The following KCTD1 variants were observed in gnomAD, a reference collection of about 807,000 sequenced individuals.
KCTD1 encodes the protein BTB/POZ domain-containing protein KCTD1.
Under a neutral mutation model 66.0 loss-of-function variants are expected in KCTD1, and 24 were observed. The ratio of observed to expected loss-of-function variants is 0.36; its 90% CI spans 0.26 to 0.51. The LOEUF is 0.51. Ranked by LOEUF, KCTD1 falls within the 20% of genes least tolerant of loss-of-function variation. The pLI is 0.95. For synonymous variants in KCTD1, 511 were observed against 517.2 expected (o/e 0.99, Z 0.16); for missense variants, 943 against 1,205.2 (o/e 0.78, Z 3.22).
chr18:26,459,781 C>T lies in KCTD1; in HGVS notation c.2278G>A (p.Gly760Arg), dbSNP rs775623066. 12 of 1,614,174 alleles carry T rather than the reference C, an allele frequency of 7.4e-6. No individual in the cohort carries two copies. The highest frequency in any genetic ancestry group is 1.7e-5 in the Admixed American group (1 of 60,016). ...CLVVRVAPDL[G>R]ERITLSGDKS... Reference sequence around the variant, plus strand: ...TCACCGCTTAGCGTGATCCTTTCTCCGAGGTCTGGGGCCACACGCACGACG... The same window carrying T: ...TCACCGCTTAGCGTGATCCTTTCTCTGAGGTCTGGGGCCACACGCACGACG... Residue 760 changes from glycine (G) to arginine (R), a missense_variant, in exon 4 of 5, where the codon GGA becomes AGA. This residue lies in a region of KCTD1 where 162 missense variants were observed against 232.4 expected (regional missense o/e 0.70). Transcript: ENST00000580059.
chr18:26,509,205 T>C (rs1169268073), intron 1 of KCTD1, among the ~76,000 whole-genome samples: 2 of 151,130 alleles, frequency 1.3e-5, no homozygotes, highest in African/African-American at 4.9e-5. Context: ...TGATGAGTAC[T>C]GTATGCATAA....
At chr18:26,647,469 G>A (rs575857838) in intron 1 of KCTD1, among the ~76,000 whole-genome samples, 15 of 136,106 alleles carry the variant, frequency 1.1e-4, no homozygotes, top group East Asian at 6.7e-4. Context: ...GCGGTGAGCC[G>A]AGATCATGCC....
chr18:26,477,372 G>T (rs1981405043), intron 2 of KCTD1, among the ~76,000 whole-genome samples: 1 of 152,296 alleles, frequency 6.6e-6, no homozygotes, highest in South Asian at 2.1e-4. Context: ...ATTTTGGAAT[G>T]AACATTTGTA....
intron 3 of KCTD1, among the ~76,000 whole-genome samples, chr18:26,475,509 T>C (rs1981296434): frequency 6.6e-6 from 1 of 152,236 alleles, no homozygotes; most frequent in South Asian, 2.1e-4. Context: ...ATTTTTGTTG[T>C]ATATTTTTCT....
In KCTD1 at chr18:26,510,881, C is replaced by T. The variant is rs140863583; in HGVS notation, c.1810-9631G>A. Among the ~76,000 whole-genome samples the T allele has an allele frequency of 4.3e-3, 649 of 152,120 alleles. 8 individuals carry two copies. Among genetic ancestry groups the T allele is most frequent in the South Asian group, 0.011 (54 of 4,818 alleles). ...CAGAGCTGCTTCAGTAATAATAGTG[C>T]TATAGGGAAAGGTCATTTTTGCAAA... is the stretch of plus-strand genomic sequence containing the variant. On this transcript the variant is annotated intron_variant, in intron 1 of 4. Coordinates refer to ENST00000580059, the MANE Select transcript of KCTD1 (RefSeq NM_001142730.3).
At chr18:26,629,256 G>A (rs1036775773), upstream of KCTD1, 8 of 974,516 alleles carry the variant, frequency 8.2e-6, no homozygotes, top group East Asian at 1.1e-4. Flanking sequence ...GGAGAAAAGC[G>A]TAAAATTGGG....
rs116863692 is a variant in KCTD1 at position 26,508,942 on chromosome 18, C to T, written c.1810-7692G>A. Among the ~76,000 whole-genome samples, 162 of 152,258 alleles carry T rather than the reference C, an allele frequency of 1.1e-3. 3 individuals carry two copies. In the East Asian group the frequency reaches 0.028, roughly 26 times the overall value. On this transcript the variant is annotated intron_variant, in intron 1 of 4. Transcript: ENST00000580059. ...AATAAAGGTTCTAATAAGAAAACATCACTTTACTGACCACAGCTACTTAAT... is the reference window on the plus strand; with the variant it reads ...AATAAAGGTTCTAATAAGAAAACATTACTTTACTGACCACAGCTACTTAAT...
intron 2 of KCTD1, among the ~76,000 whole-genome samples, chr18:26,494,434 G>A (rs1375972734): frequency 6.6e-6 from 1 of 152,122 alleles, no homozygotes; most frequent in Non-Finnish European, 1.5e-5. Flanking sequence ...GCACTGTATG[G>A]CTATCTTTCC....
chr18:26,460,054 C>T, intron 3 of KCTD1, 129 bp from the exon 4 acceptor site: 1 of 686,324 alleles, frequency 1.5e-6, no homozygotes. Flanking sequence ...GCGTTTTTCA[C>T]TTACGACATG....
At chr18:26,636,868 A>G (rs1373027964) in intron 1 of KCTD1, among the ~76,000 whole-genome samples, 2 of 152,226 alleles carry the variant, frequency 1.3e-5, no homozygotes, top group Admixed American at 6.5e-5. Context: ...ATTCCAACCT[A>G]GCCGGCAGTT....
At chr18:26,617,991 C>T (rs1048608346) in intron 1 of KCTD1, among the ~76,000 whole-genome samples, 3 of 151,104 alleles carry the variant, frequency 2.0e-5, no homozygotes, top group Non-Finnish European at 2.9e-5. Context: ...TACATCACAG[C>T]ACAAATAATT....
At position 26,536,785 on chromosome 18, in the gene KCTD1, T is replaced by A. The variant is rs186381478; in HGVS notation, c.1809+9943A>T. On this transcript the variant is annotated intron_variant, in intron 1 of 4. Coordinates refer to ENST00000580059, the MANE Select transcript of KCTD1 (RefSeq NM_001142730.3). ...CAGAAATGAATCTGCTTTTCAGTTTTTCTGAATAGCATTCTCCTTCACCTT... is the reference window on the plus strand; with the variant it reads ...CAGAAATGAATCTGCTTTTCAGTTTATCTGAATAGCATTCTCCTTCACCTT... Among the ~76,000 whole-genome samples the A allele has an allele frequency of 2.8e-4, 42 of 152,318 alleles. 1 individual carries two copies. Among genetic ancestry groups the A allele is most frequent in the Non-Finnish European group, 4.6e-4 (31 of 68,032 alleles).
intron 2 of KCTD1, among the ~76,000 whole-genome samples, chr18:26,484,541 CT>C (rs1981817234): frequency 6.6e-6 from 1 of 152,164 alleles, no homozygotes; most frequent in African/African-American, 2.4e-5. Context: ...TAATCCTCCC[CT>C]GACTTCGGTT....
upstream of KCTD1, among the ~76,000 whole-genome samples, chr18:26,630,967 G>A (rs746805312): frequency 2.4e-4 from 36 of 151,972 alleles, no homozygotes; most frequent in African/African-American, 8.5e-4. Context: ...CTGCAACTGC[G>A]ATCTTGATAT....
chr18:26,549,460 G>C, upstream of KCTD1: 2 of 985,458 alleles, frequency 2.0e-6, no homozygotes, highest in Non-Finnish European at 2.4e-6. Flanking sequence ...GAGCGAGGCA[G>C]AGAAGACTGG....
intron 2 of KCTD1, among the ~76,000 whole-genome samples, chr18:26,489,437 T>C (rs940015322): frequency 3.3e-5 from 5 of 152,174 alleles, no homozygotes; most frequent in African/African-American, 9.7e-5. Flanking sequence ...GGGTTAGAGA[T>C]AGTGTTTCCC....
intron 1 of KCTD1, among the ~76,000 whole-genome samples, chr18:26,574,981 G>A (rs1279284073): frequency 6.6e-6 from 1 of 152,034 alleles, no homozygotes; most frequent in African/African-American, 2.4e-5. Flanking sequence ...CTGCTACCAC[G>A]AACCATGGAG....
rs143589404 is a variant in KCTD1, at chr18:26,468,107, CGT to C, written c.2134-8184_2134-8183del. 6.6e-6 allele frequency among the ~76,000 whole-genome samples: 1 copy of C among 152,148 alleles called. No individual in the cohort carries two copies. Among genetic ancestry groups the C allele is most frequent in the African/African-American group, 2.4e-5 (1 of 41,502 alleles). On this transcript the variant is annotated intron_variant, in intron 3 of 4. Coordinates refer to ENST00000580059, the MANE Select transcript of KCTD1 (RefSeq NM_001142730.3). The surrounding 1 kb of genome is among the most constrained non-coding windows in gnomAD (Gnocchi z 4.8). ...CTTGGTGTGCTGAGAGTTGCAACCA[CGT>C]GTGTGTGTGTGCCTATGCATGCGTA...
chr18:26,529,230 C>G (rs1229040082), intron 1 of KCTD1, among the ~76,000 whole-genome samples: 1 of 152,178 alleles, frequency 6.6e-6, no homozygotes, highest in African/African-American at 2.4e-5. Context: ...TGACCTCTCC[C>G]CTTGCTCTGA....
Sources: gnomAD v4.1 joint callset for allele counts (sites outside exome capture counted in the v4.1 genomes callset) on GRCh38, gnomAD v4.1.1 for gene constraint, gnomAD v4.1.1 regional missense constraint, Gnocchi (gnomAD v3.1) non-coding constraint, MANE v1.5 for transcripts, NCBI Gene and HGNC (gene_info 2026-07-23, HGNC 2026-07-21) for gene names.